SPTA1: variants seen among roughly 807,000 people sequenced by gnomAD.
The protein encoded by SPTA1 is spectrin alpha chain, erythrocytic 1.
A neutral mutation model predicts 324.7 loss-of-function variants in SPTA1; 177 were observed. That is an observed-to-expected ratio of 0.55 (90% CI 0.48 to 0.62). The LOEUF (loss-of-function observed/expected upper bound fraction) is 0.62. Ranked by LOEUF, SPTA1 falls within the 20% of genes least tolerant of loss-of-function variation. SPTA1 has a pLI of 0.00. For synonymous variants in SPTA1, 1,195 were observed against 1,041.3 expected, an observed-to-expected ratio of 1.15 and a Z score of -2.84; for missense variants, 3,162 against 2,883.6, an observed-to-expected ratio of 1.10 and a Z score of -2.21.
chr1:158,656,511 C>A (rs371239036), intron 20 of SPTA1, 53 bp downstream of exon 20: 518 of 1,509,682 alleles, frequency 3.4e-4, no homozygotes, highest in Non-Finnish European at 4.6e-4. Flanking sequence ...AAGACAATTT[C>A]TTTTTCTTTG....
intron 12 of SPTA1, among the ~76,000 whole-genome samples, chr1:158,670,687 C>T (rs1571504413): frequency 6.6e-6 from 1 of 152,118 alleles, no homozygotes; most frequent in Non-Finnish European, 1.5e-5. Flanking sequence ...CCTGCCTTCA[C>T]ATTCACCAGC....
At chr1:158,648,414 A>G in intron 26 of SPTA1, 95 bp downstream of exon 26, 3 of 1,538,640 alleles carry the variant, frequency 1.9e-6, no homozygotes, top group South Asian at 1.1e-5. Flanking sequence ...ATATAAGAAT[A>G]AAAGACTGAA....
At chr1:158,643,274 G>A in intron 31 of SPTA1, 48 bp downstream of exon 31, 2 of 1,599,692 alleles carry the variant, frequency 1.3e-6, no homozygotes, top group Non-Finnish European at 1.7e-6. Flanking sequence ...AAAAAGGTCA[G>A]TTTGCTATAT....
Position 158,638,245 on chromosome 1 carries a change from G to A in SPTA1, c.4981-4C>T, listed in dbSNP as rs777921068. ...TATTCAGGTCCTTGAGTGCATCCTA[G>A]AAAGTCTCGGGATACTCAGTGAATA... On this transcript the variant is annotated splice_region_variant and splice_polypyrimidine_tract_variant and intron_variant, in intron 35 of 51. Transcript: ENST00000643759. The A allele has an allele frequency of 2.5e-6, 4 of 1,610,266 alleles. No individual in the cohort carries two copies. In the Admixed American group the frequency reaches 5.0e-5, roughly 20 times the overall value.
In SPTA1 at chr1:158,640,075, A is replaced by G. The variant is rs537241768; in HGVS notation, c.4738-68T>C. The G allele has an allele frequency of 5.0e-6, 8 of 1,610,288 alleles. No individual in the cohort carries two copies. The South Asian group carries it at 7.7e-5, about 15-fold the overall frequency. The stretch of plus-strand genomic sequence containing the variant: ...CCGGGCCCTGTGACTACTTGAGAGA[A>G]TAATGTAGGAAGGCTGTGAAGGCAG... On this transcript the variant is annotated intron_variant, in intron 33 of 51. Transcript: ENST00000643759.
chr1:158,630,579 G>T (rs779826262), intron 39 of SPTA1, among the ~76,000 whole-genome samples: 4 of 151,866 alleles, frequency 2.6e-5, no homozygotes, highest in Non-Finnish European at 4.4e-5. Context: ...ACTGGTCTTG[G>T]CAATGATTAC....
rs1571522478 is a variant in SPTA1, at chr1:158,677,710, G to A, written c.937C>T (p.Leu313Phe). ...ATTACCTTGTCACTCATGACAGCAA[G>A]ATTTCTCTCAAGTCCCTTGTGACTG... The part of the protein sequence containing the change: ...FHSHKGLERN[L>F]AVMSDKVKEL... Residue 313 changes from leucine (L) to phenylalanine (F), a missense_variant, in exon 7 of 52, where the codon CTT becomes TTT. Leu to Phe is a conservative substitution (Grantham distance 22, BLOSUM62 0). Transcript: ENST00000643759. The A allele has an allele frequency of 6.2e-7, 1 of 1,613,480 alleles. No homozygotes were observed. The highest frequency in any genetic ancestry group is 8.5e-7 in the Non-Finnish European group (1 of 1,179,688).
At position 158,614,306 on chromosome 1, in the gene SPTA1, C is replaced by T. The variant is rs1649427180; in HGVS notation, c.6789G>A (p.Lys2263=). The T allele has an allele frequency of 6.5e-7, 1 of 1,548,722 alleles. No homozygotes were observed. The highest frequency in any genetic ancestry group is 2.3e-5 in the East Asian group (1 of 43,136). The change falls in exon 49 of 52, where the codon AAG becomes AAA. Residue 2263 remains lysine (K), a splice_region_variant and synonymous_variant. Transcript: ENST00000643759. ...QHNLEQQIQA[K]DIKGVSEETL... ...TCTCTTCACTCACACCTTTGATGTC[C>T]CTGAAAGAAAAAAAAAAAACATGAA...
chr1:158,667,092 A>T (rs1271911881), intron 15 of SPTA1, among the ~76,000 whole-genome samples: 1 of 152,176 alleles, frequency 6.6e-6, no homozygotes, highest in Non-Finnish European at 1.5e-5. Context: ...CCTGATGGTG[A>T]ACAGTAGCAG....
At chr1:158,661,869 T>C (rs1487576078) in intron 17 of SPTA1, among the ~76,000 whole-genome samples, 2 of 152,218 alleles carry the variant, frequency 1.3e-5, no homozygotes, top group East Asian at 3.8e-4. Context: ...TTTGTAATCA[T>C]TAGAAATAAC....
intron 16 of SPTA1, among the ~76,000 whole-genome samples, chr1:158,666,069 G>A (rs1653574197): frequency 6.6e-6 from 1 of 151,736 alleles, no homozygotes; most frequent in Non-Finnish European, 1.5e-5. Context: ...AAAAGCAGTT[G>A]GTTTACTAAA....
At position 158,683,429 on chromosome 1, in the gene SPTA1, A is replaced by G; in HGVS notation, c.332T>C (p.Leu111Pro). 1.2e-6 allele frequency: 2 copies of G among 1,613,446 alleles called. No individual in the cohort carries two copies. The highest frequency in any genetic ancestry group is 1.7e-6 in the Non-Finnish European group (2 of 1,179,558). The change falls in exon 3 of 52, where the codon CTG becomes CCG. Residue 111 changes from leucine (L) to proline (P), a missense_variant. Physicochemically the swap from Leu to Pro is moderately conservative, Grantham distance 98. Transcript: ENST00000643759. ...AAATCGTTCTTCCCTTGTTTTTTCCAGTTCAGACATGAGTCTTGATTTTGT... is the reference window on the plus strand; with the variant it reads ...AAATCGTTCTTCCCTTGTTTTTTCCGGTTCAGACATGAGTCTTGATTTTGT... ...VQTKSRLMSELEKTREERFTM... is the reference protein window; with the variant it reads ...VQTKSRLMSEPEKTREERFTM...
intron 33 of SPTA1, among the ~76,000 whole-genome samples, chr1:158,640,385 C>G (rs1024290629): frequency 6.6e-6 from 1 of 152,106 alleles, no homozygotes; most frequent in Non-Finnish European, 1.5e-5. Context: ...TTTTCTCCTT[C>G]TTTGTGCAAC....
In SPTA1 at chr1:158,661,596, T is replaced by C. The variant is rs73018273; in HGVS notation, c.2465-187A>G. ...TTATCTTTGTTCTTCCCCTGGCCTC[T>C]TTTTATTAATAAATTTCAATTCACT... On this transcript the variant is annotated intron_variant, in intron 17 of 51. Coordinates refer to ENST00000643759, the MANE Select transcript of SPTA1 (RefSeq NM_003126.4). 5.0e-3 allele frequency: 3,466 copies of C among 696,244 alleles called. 87 individuals carry two copies. The African/African-American group carries it at 0.055, about 11-fold the overall frequency. 43.1% of individuals were successfully genotyped at this position (696,244 alleles called of 1,614,324 possible).
rs748523879 is a variant in SPTA1, at chr1:158,613,792, G to A, written c.6918C>T (p.Tyr2306=). The stretch of plus-strand genomic sequence containing the variant: ...GTTCATCCTCCTCCACCATGGGCAA[G>A]TAGTAATTGAGTCCTCTCAGGCAGG... ...FRSCLRGLNY[Y]LPMVEEDEHE... The change falls in exon 50 of 52, where the codon TAC becomes TAT. Residue 2306 remains tyrosine, a synonymous_variant. Coordinates refer to ENST00000643759, the MANE Select transcript of SPTA1 (RefSeq NM_003126.4). 3.1e-6 allele frequency: 5 copies of A among 1,613,912 alleles called. No individual in the cohort carries two copies. In the East Asian group the frequency reaches 1.1e-4, roughly 36 times the overall value.
Position 158,648,590 on chromosome 1 carries a change from A to C in SPTA1, c.3633T>G (p.Pro1211=), listed in dbSNP as rs1304316654. The C allele has an allele frequency of 6.2e-7, 1 of 1,614,012 alleles. No homozygotes were observed. Among genetic ancestry groups the C allele is most frequent in the South Asian group, 1.1e-5 (1 of 91,074 alleles). The change falls in exon 26 of 52, where the codon CCT becomes CCG. Residue 1211 remains proline, a synonymous_variant. Transcript: ENST00000643759. ...CCTGAACACTGAACAGATCTGAGCCAGGGTCTGCAGCACTGAGGGCCTGGC... is the reference window on the plus strand; with the variant it reads ...CCTGAACACTGAACAGATCTGAGCCCGGGTCTGCAGCACTGAGGGCCTGGC... ...KKCQALSAAD[P]GSDLFSVQAL...
In SPTA1 at chr1:158,620,208, G is replaced by C. The variant is rs748917381; in HGVS notation, c.6379C>G (p.Leu2127Val). 3 of 1,613,976 alleles carry C rather than the reference G, an allele frequency of 1.9e-6. No homozygotes were observed. Among genetic ancestry groups the C allele is most frequent in the East Asian group, 4.5e-5 (2 of 44,894 alleles). ...GATAGGTGCTTCCAGGTCCTTTCCA[G>C]CACCTCCACTGTTAACCAGGTATAA... ...SPYTWLTVEVLERTWKHLSDI... is the reference protein window; with the variant it reads ...SPYTWLTVEVVERTWKHLSDI... The change falls in exon 44 of 52, where the codon CTG becomes GTG. Residue 2127 changes from leucine (L) to valine (V), a missense_variant. Transcript: ENST00000643759.
chr1:158,655,696 G>C (rs1367008736), intron 20 of SPTA1, among the ~76,000 whole-genome samples: 1 of 152,174 alleles, frequency 6.6e-6, no homozygotes, highest in African/African-American at 2.4e-5. Context: ...TTCCTTGAAG[G>C]TAAGAAGTGT....
At position 158,644,408 on chromosome 1, in the gene SPTA1, C is replaced by G. The variant is rs6702040; in HGVS notation, c.4195-12G>C. ...TTCCCCTGGAACATCTATGAGGAAT[C>G]AAATGAGAGGGGTATGGTATAGTCC... On this transcript the variant is annotated splice_polypyrimidine_tract_variant and intron_variant, in intron 29 of 51. Transcript: ENST00000643759. 7 of 1,613,126 alleles carry G rather than the reference C, an allele frequency of 4.3e-6. No homozygotes were observed. The African/African-American group carries it at 8.0e-5, about 19-fold the overall frequency.
Sources: gnomAD v4.1 joint callset for allele counts (sites outside exome capture counted in the v4.1 genomes callset) on GRCh38, gnomAD v4.1.1 for gene constraint, MANE v1.5 for transcripts, NCBI Gene and HGNC (gene_info 2026-07-23, HGNC 2026-07-21) for gene names.